The following SHTN1 variants were observed in gnomAD, a reference collection of about 807,000 sequenced individuals.
SHTN1 encodes the protein shootin 1.
Under a neutral mutation model 83.1 loss-of-function variants are expected in SHTN1, and 42 were observed. The ratio of observed to expected loss-of-function variants is 0.51; its 90% CI spans 0.39 to 0.65. The LOEUF (loss-of-function observed/expected upper bound fraction) is 0.65. SHTN1 is among the 30% of genes least tolerant of loss of function. SHTN1 has a pLI of 0.00. For synonymous variants in SHTN1, 224 were observed against 247.7 expected, an observed-to-expected ratio of 0.90 and a Z score of 0.90; for missense variants, 622 against 737.8, an observed-to-expected ratio of 0.84 and a Z score of 1.82.
chr10:116,988,023 CT>C (rs1043496970), intron 1 of SHTN1, among the ~76,000 whole-genome samples: 1 of 151,966 alleles, frequency 6.6e-6, no homozygotes, highest in African/African-American at 2.4e-5. Flanking sequence ...CTATTCTGTA[CT>C]ATAATGGTGA....
intron 1 of SHTN1, among the ~76,000 whole-genome samples, chr10:117,109,015 G>A (rs1363678314): frequency 1.3e-5 from 2 of 152,322 alleles, no homozygotes; most frequent in East Asian, 3.9e-4. Context: ...TAAGACACTA[G>A]TGGTGGGCCG....
In SHTN1 at chr10:117,123,523, T is replaced by C. The variant is rs943475444; in HGVS notation, c.-189+2784A>G. On this transcript the variant is annotated intron_variant, in intron 1 of 17. Coordinates refer to the SHTN1 transcript ENST00000392901. ...CATAAGTGACCCCTGACCTTGGGGG[T>C]CACCCAACATCTACCTACATTCCAA... 3.3e-5 allele frequency among the ~76,000 whole-genome samples: 5 copies of C among 152,026 alleles called. No individual in the cohort carries two copies. The South Asian group carries it at 6.2e-4, about 19-fold the overall frequency.
chr10:116,961,593 C>T (rs1850187271), intron 3 of SHTN1, among the ~76,000 whole-genome samples: 1 of 152,186 alleles, frequency 6.6e-6, no homozygotes, highest in African/African-American at 2.4e-5. Flanking sequence ...CTAAAAGCTG[C>T]TGATGGCATT....
intron 2 of SHTN1, among the ~76,000 whole-genome samples, chr10:116,976,737 GCC>G (rs1251522316): frequency 6.6e-6 from 1 of 151,932 alleles, no homozygotes; most frequent in Non-Finnish European, 1.5e-5. Flanking sequence ...TTGTAATACA[GCC>G]CCCCTTTTTT....
At chr10:116,989,942 C>T (rs1170129478) in intron 1 of SHTN1, among the ~76,000 whole-genome samples, 1 of 152,104 alleles carries the variant, frequency 6.6e-6, no homozygotes, top group Admixed American at 6.5e-5. Flanking sequence ...GCATAGTTGG[C>T]AGGAAATTCT....
intron 2 of SHTN1, among the ~76,000 whole-genome samples, chr10:117,014,371 A>G (rs1178305245): frequency 1.3e-5 from 2 of 152,226 alleles, no homozygotes; most frequent in African/African-American, 2.4e-5. Context: ...GAACCATATT[A>G]CTAATATATG....
upstream of SHTN1, among the ~76,000 whole-genome samples, chr10:117,008,322 G>T (rs1434489796): frequency 6.6e-6 from 1 of 151,954 alleles, no homozygotes; most frequent in Non-Finnish European, 1.5e-5. Context: ...GGTAATTAAA[G>T]TAAAATCACA....
chr10:117,028,886 G>A (rs1329340000), intron 2 of SHTN1, among the ~76,000 whole-genome samples: 2 of 152,178 alleles, frequency 1.3e-5, no homozygotes, highest in Admixed American at 6.5e-5. Context: ...ATGAGGGATT[G>A]GAATGCAGAG....
intron 2 of SHTN1, among the ~76,000 whole-genome samples, chr10:117,039,096 T>C (rs2133579043): frequency 6.6e-6 from 1 of 152,264 alleles, no homozygotes; most frequent in East Asian, 1.9e-4. Flanking sequence ...CACCAAGATG[T>C]CCTTCAGTAC....
Position 116,901,848 on chromosome 10 carries a change from GA to G in SHTN1, c.1589del (p.Phe530SerfsTer51). 6.2e-7 allele frequency: 1 copy of G among 1,605,770 alleles called. No homozygotes were observed. Among genetic ancestry groups the G allele is most frequent in the Non-Finnish European group, 8.5e-7 (1 of 1,177,664 alleles). Reference sequence around the variant, plus strand: ...CAGGTGTTGGGGGGGACGGGCTGTTGAATTCTGCCTCCAGAGTTTTCTTGTT... The same window carrying G: ...CAGGTGTTGGGGGGGACGGGCTGTTGATTCTGCCTCCAGAGTTTTCTTGTT... Reference protein sequence around the residue: ...ALNKKTLEAEFNSPSPPTPEP... With the variant: ...ALNKKTLEAEXNSPSPPTPEP... On this transcript the variant is annotated frameshift_variant, in exon 16 of 17. Coordinates refer to ENST00000355371, the MANE Select transcript of SHTN1 (RefSeq NM_001127211.3). LOFTEE classifies it high-confidence loss of function.
intron 1 of SHTN1, among the ~76,000 whole-genome samples, chr10:117,114,598 T>C (rs1224694748): frequency 1.3e-5 from 2 of 152,108 alleles, no homozygotes; most frequent in Non-Finnish European, 1.5e-5. Context: ...CCAGGCAGCG[T>C]TTCCTCTACC....
intron 9 of SHTN1, among the ~76,000 whole-genome samples, chr10:116,932,479 C>T (rs1166988659): frequency 3.3e-5 from 5 of 152,106 alleles, no homozygotes; most frequent in Admixed American, 3.3e-4. Context: ...CCTCTTCCCT[C>T]CCCAGTCCAT....
At chr10:116,909,513 G>A (rs958438547) in intron 14 of SHTN1, among the ~76,000 whole-genome samples, 1 of 152,166 alleles carries the variant, frequency 6.6e-6, no homozygotes, top group Non-Finnish European at 1.5e-5. Context: ...CTAAGTGACT[G>A]AGGTGACTCA....
At chr10:116,985,600 T>C (rs1851192204) in intron 1 of SHTN1, among the ~76,000 whole-genome samples, 1 of 152,088 alleles carries the variant, frequency 6.6e-6, no homozygotes. Flanking sequence ...GAACATACTC[T>C]CCTCCCCATG....
intron 1 of SHTN1, among the ~76,000 whole-genome samples, chr10:116,979,908 G>T (rs527249273): frequency 6.6e-5 from 10 of 152,280 alleles, no homozygotes; most frequent in Non-Finnish European, 1.2e-4. Context: ...ATTTATGAAG[G>T]ATTCAGCTAA....
At chr10:117,064,181 A>C (rs191629913) in intron 1 of SHTN1, among the ~76,000 whole-genome samples, 6 of 152,210 alleles carry the variant, frequency 3.9e-5, no homozygotes, top group Non-Finnish European at 8.8e-5. Context: ...TTCAACTCAA[A>C]GCTGGCCTCA....
intron 12 of SHTN1, among the ~76,000 whole-genome samples, chr10:116,917,491 A>T (rs1848419758): frequency 6.6e-6 from 1 of 152,124 alleles, no homozygotes; most frequent in Non-Finnish European, 1.5e-5. Flanking sequence ...TTTAGTAGAG[A>T]CGGGGTTTCA....
chr10:117,108,385 G>T (rs896388150), intron 1 of SHTN1, among the ~76,000 whole-genome samples: 1 of 151,884 alleles, frequency 6.6e-6, no homozygotes, highest in South Asian at 2.1e-4. Context: ...CCATAAAAAA[G>T]GATGAGTTCA....
intron 1 of SHTN1, among the ~76,000 whole-genome samples, chr10:117,070,663 G>A (rs1176028409): frequency 1.3e-5 from 2 of 151,310 alleles, no homozygotes; most frequent in Non-Finnish European, 2.9e-5. Flanking sequence ...TCAGGTTCTT[G>A]AGATCACGCC....
Sources: allele counts gnomAD v4.1 joint callset (sites outside exome capture counted in the v4.1 genomes callset), GRCh38; gene constraint gnomAD v4.1.1; transcripts MANE v1.5; gene names NCBI Gene and HGNC (gene_info 2026-07-23, HGNC 2026-07-21).